The following ANKRD62 variants were observed in gnomAD, a reference collection of about 807,000 sequenced individuals.
The protein encoded by ANKRD62 is ankyrin repeat domain-containing protein 62.
In ANKRD62, 61 loss-of-function variants were observed where a neutral mutation model predicts 98.8. That is an observed-to-expected ratio of 0.62 (90% CI 0.50 to 0.76). ANKRD62 has a LOEUF of 0.76. Among genes scored for constraint, ANKRD62 ranks in the 30% least tolerant of loss-of-function variants. The pLI is 0.00. For synonymous variants in ANKRD62, 341 were observed against 367.9 expected (o/e 0.93, Z 0.84); for missense variants, 933 against 1,082.9 (o/e 0.86, Z 1.94).
At chr18:12,103,058 A>G (rs1010543575) in intron 6 of ANKRD62, 100 bp from the exon 7 acceptor site, 2 of 869,802 alleles carry the variant, frequency 2.3e-6, no homozygotes, top group Admixed American at 3.9e-5. Context: ...CTCAATTTAT[A>G]GAAGAAAAAT....
At chr18:12,122,950 T>C (rs952753129) in intron 11 of ANKRD62, among the ~76,000 whole-genome samples, 2 of 152,188 alleles carry the variant, frequency 1.3e-5, no homozygotes, top group African/African-American at 4.8e-5. Flanking sequence ...TAAGTTGTTC[T>C]TAAGAAAGTT....
Position 12,099,634 on chromosome 18 carries a change from G to T in ANKRD62, c.772G>T (p.Glu258Ter). Reference sequence around the variant, plus strand: ...ACATAGCATTCGTGGAATGATTTCTGAATATAAAGCAAACAAGAGATGTAA... The same window carrying T: ...ACATAGCATTCGTGGAATGATTTCTTAATATAAAGCAAACAAGAGATGTAA... ...KFQAIRGMIS[E>*]YKANKRCKSL... The change falls in exon 6 of 14, where the codon GAA becomes TAA. Residue 258 changes from glutamate (E) to a stop codon, truncating the protein, a stop_gained. Coordinates refer to ENST00000587848, the MANE Select transcript of ANKRD62 (RefSeq NM_001277333.2). LOFTEE classifies it high-confidence loss of function. 1 of 1,483,174 alleles carries T rather than the reference G, an allele frequency of 6.7e-7. No individual in the cohort carries two copies. Among genetic ancestry groups the T allele is most frequent in the Non-Finnish European group, 8.9e-7 (1 of 1,118,282 alleles). 91.9% of individuals were successfully genotyped at this position (1,483,174 alleles called of 1,614,324 possible). A position where few individuals can be genotyped will look rare whatever the true frequency, so the allele number is the denominator to read the frequency against.
the ANKRD62 span, among the ~76,000 whole-genome samples, chr18:12,158,379 G>A: frequency 2.0e-5 from 3 of 152,084 alleles, no homozygotes; most frequent in Non-Finnish European, 4.4e-5. Context: ...ATCAGCTAAG[G>A]TATCTTCCTT....
intron 7 of ANKRD62, among the ~76,000 whole-genome samples, chr18:12,106,820 T>A (rs532365355): frequency 1.6e-3 from 251 of 152,218 alleles, no homozygotes; most frequent in African/African-American, 5.8e-3. Flanking sequence ...TAAAAGACAG[T>A]GGGAAAAGAA....
chr18:12,106,780 T>C (rs192723577), intron 7 of ANKRD62, among the ~76,000 whole-genome samples: 2 of 152,266 alleles, frequency 1.3e-5, no homozygotes, highest in Admixed American at 6.5e-5. Flanking sequence ...ACATTTTCAG[T>C]ATCCTAGGAT....
chr18:12,155,995 C>G, the ANKRD62 span, among the ~76,000 whole-genome samples: 1 of 152,116 alleles, frequency 6.6e-6, no homozygotes, highest in Non-Finnish European at 1.5e-5. Flanking sequence ...AGTTCTCACT[C>G]TGTTAGTTCA....
At chr18:12,138,416 T>A in the ANKRD62 span, among the ~76,000 whole-genome samples, 2 of 152,362 alleles carry the variant, frequency 1.3e-5, no homozygotes, top group African/African-American at 4.8e-5. Flanking sequence ...AGAGACAGTT[T>A]GTTATAATTT....
At chr18:12,172,691 G>C in the ANKRD62 span, among the ~76,000 whole-genome samples, 1 of 152,208 alleles carries the variant, frequency 6.6e-6, no homozygotes. Flanking sequence ...GTTCAGCTAT[G>C]CTCTGTCCCC....
the ANKRD62 span, among the ~76,000 whole-genome samples, chr18:12,170,367 C>T: frequency 2.0e-5 from 3 of 152,146 alleles, no homozygotes; most frequent in Admixed American, 6.6e-5. Context: ...ATCTTTATTT[C>T]TGTCTTCATT....
In ANKRD62 at chr18:12,095,279, G is replaced by A; in HGVS notation, c.327G>A (p.Leu109=). Residue 109 remains leucine (L), a synonymous_variant, in exon 2 of 14, where the codon CTG becomes CTA. Coordinates refer to ENST00000587848, the MANE Select transcript of ANKRD62 (RefSeq NM_001277333.2). ...NLTDSENRTA[L]IKAVQCQEEV... The stretch of plus-strand genomic sequence containing the variant: ...CTGACAGTGAAAACAGGACAGCTCT[G>A]ATCAAGGTATATGGTAGCCAACTCT... 4 of 1,540,140 alleles carry A rather than the reference G, an allele frequency of 2.6e-6. No homozygotes were observed. Among genetic ancestry groups the A allele is most frequent in the Non-Finnish European group, 3.5e-6 (4 of 1,146,754 alleles).
chr18:12,173,137 C>T, the ANKRD62 span, among the ~76,000 whole-genome samples: 1 of 152,198 alleles, frequency 6.6e-6, no homozygotes, highest in African/African-American at 2.4e-5. Context: ...GTGAGATGAA[C>T]CCGGTACCTC....
the ANKRD62 span, among the ~76,000 whole-genome samples, chr18:12,168,117 G>A: frequency 6.6e-6 from 1 of 152,138 alleles, no homozygotes; most frequent in Non-Finnish European, 1.5e-5. Context: ...TTCTTTTGCT[G>A]TGGAGAAGCT....
At position 12,099,620 on chromosome 18, in the gene ANKRD62, G is replaced by C; in HGVS notation, c.758G>C (p.Arg253Pro). ...TACTGCATTTTGATACATAGCATTC[G>C]TGGAATGATTTCTGAATATAAAGCA... ...YAVASKFQAIRGMISEYKANK... is the reference protein window; with the variant it reads ...YAVASKFQAIPGMISEYKANK... The change falls in exon 6 of 14, where the codon CGT becomes CCT. Residue 253 changes from arginine to proline, a missense_variant. By Grantham distance (103) the Arg-to-Pro change is moderately radical. This residue lies in a region of ANKRD62 where 549 missense variants were observed against 587.9 expected (regional missense o/e 0.93). Transcript: ENST00000587848. 1 of 1,479,606 alleles carries C rather than the reference G, an allele frequency of 6.8e-7. No individual in the cohort carries two copies. Among genetic ancestry groups the C allele is most frequent in the Non-Finnish European group, 9.0e-7 (1 of 1,116,298 alleles). 91.7% of individuals were successfully genotyped at this position (1,479,606 alleles called of 1,614,324 possible).
the ANKRD62 span, among the ~76,000 whole-genome samples, chr18:12,175,799 A>T: frequency 2.0e-5 from 3 of 151,996 alleles, no homozygotes; most frequent in Admixed American, 2.0e-4. Context: ...TTTGCCTTGC[A>T]TGGAGGAAAC....
chr18:12,094,451 G>A (rs998942553), intron 1 of ANKRD62, among the ~76,000 whole-genome samples: 22 of 1,534 alleles, frequency 0.014, no homozygotes, highest in African/African-American at 0.019. Context: ...GGGGGACTGT[G>A]GTAGGAAGTG....
the ANKRD62 span, among the ~76,000 whole-genome samples, chr18:12,176,628 G>A: frequency 1.2e-4 from 14 of 118,570 alleles, 2 homozygotes; most frequent in Admixed American, 4.6e-4. Flanking sequence ...GAGAGCAAAA[G>A]GCCTTGCCTA....
chr18:12,109,345 T>A (rs1909485203), intron 8 of ANKRD62, among the ~76,000 whole-genome samples: 1 of 152,196 alleles, frequency 6.6e-6, no homozygotes, highest in Admixed American at 6.5e-5. Context: ...GGTTTTTCAC[T>A]CTCTAAAGCA....
In ANKRD62 at chr18:12,126,067, A is replaced by T; in HGVS notation, c.2246A>T (p.Glu749Val). Residue 749 changes from glutamate (E) to valine (V), a missense_variant, in exon 13 of 14, where the codon GAG (glutamate) becomes GTG (valine). Transcript: ENST00000587848. ...CTAAGCCGAACACAGCGTCGATTGGAGGACATTGAACACATGTACCAAAAT... is the reference window on the plus strand; with the variant it reads ...CTAAGCCGAACACAGCGTCGATTGGTGGACATTGAACACATGTACCAAAAT... ...GVLSRTQRRLEDIEHMYQNDQ... is the reference protein window; with the variant it reads ...GVLSRTQRRLVDIEHMYQNDQ... 6.5e-7 allele frequency: 1 copy of T among 1,536,204 alleles called. No individual in the cohort carries two copies. Among genetic ancestry groups the T allele is most frequent in the South Asian group, 1.2e-5 (1 of 84,064 alleles).
the ANKRD62 span, among the ~76,000 whole-genome samples, chr18:12,153,743 A>G: frequency 6.6e-6 from 1 of 152,148 alleles, no homozygotes. Context: ...ACAGGGCTAC[A>G]GTAATCAAAA....
Sources: gnomAD v4.1 joint callset for allele counts (sites outside exome capture counted in the v4.1 genomes callset) on GRCh38, gnomAD v4.1.1 for gene constraint, gnomAD v4.1.1 regional missense constraint, MANE v1.5 for transcripts, NCBI Gene and HGNC (gene_info 2026-07-23, HGNC 2026-07-21) for gene names.